The following SLC10A7 variants were observed in gnomAD, a reference collection of about 807,000 sequenced individuals.
SLC10A7 encodes the protein solute carrier family 10 member 7.
A neutral mutation model predicts 43.2 loss-of-function variants in SLC10A7; 29 were observed. The ratio of observed to expected loss-of-function variants is 0.67; its 90% CI spans 0.50 to 0.92. SLC10A7 has a LOEUF of 0.92. Ranked by LOEUF, SLC10A7 falls within the 40% of genes least tolerant of loss-of-function variation. The pLI is 0.00. For missense variants in SLC10A7, 295 were observed against 403.2 expected (o/e 0.73, Z 2.30); for synonymous variants, 152 against 144.8 (o/e 1.05, Z -0.35).
intron 10 of SLC10A7, among the ~76,000 whole-genome samples, chr4:146,278,311 TTAAGA>T (rs1323484974): frequency 1.3e-5 from 2 of 152,162 alleles, no homozygotes; most frequent in Admixed American, 6.5e-5. Flanking sequence ...AGTAGTTTTA[TTAAGA>T]TAAGATTCTT....
chr4:146,256,416 G>T lies in SLC10A7; in HGVS notation c.*75C>A. 3 of 1,430,418 alleles carry T rather than the reference G, an allele frequency of 2.1e-6. No homozygotes were observed. Among genetic ancestry groups the T allele is most frequent in the South Asian group, 1.2e-5 (1 of 84,094 alleles). The allele number at this position is 1,430,418 out of a possible 1,614,324, so 88.6% of individuals were successfully genotyped here. A position where few individuals can be genotyped will look rare whatever the true frequency, so the allele number is the denominator to read the frequency against. On this transcript the variant is annotated 3_prime_UTR_variant, in exon 12 of 12. Coordinates refer to ENST00000335472, the MANE Select transcript of SLC10A7 (RefSeq NM_001029998.6). ...ATATGCATTGAGGCAACATTCACAA[G>T]TACAAGTCTTCAGAATTGCTAGTAT...
chr4:146,466,794 A>C (rs1047690261), intron 4 of SLC10A7, among the ~76,000 whole-genome samples: 1 of 152,330 alleles, frequency 6.6e-6, no homozygotes, highest in East Asian at 1.9e-4. Flanking sequence ...AGAGAAATAA[A>C]TTAAATGCAT....
At chr4:146,396,674 T>G (rs953916981) in intron 5 of SLC10A7, among the ~76,000 whole-genome samples, 2 of 152,084 alleles carry the variant, frequency 1.3e-5, no homozygotes, top group Non-Finnish European at 1.5e-5. Context: ...TGTACCAAAT[T>G]TTTAAATCCA....
intron 5 of SLC10A7, among the ~76,000 whole-genome samples, chr4:146,335,251 TAAA>T (rs34522588): frequency 0.037 from 3,432 of 92,140 alleles, 53 homozygotes; most frequent in African/African-American, 0.046. Flanking sequence ...ACAGATGTTG[TAAA>T]AAAAAAAAAA....
chr4:146,418,052 A>G (rs1208688181), intron 5 of SLC10A7, among the ~76,000 whole-genome samples: 2 of 152,108 alleles, frequency 1.3e-5, no homozygotes, highest in African/African-American at 4.8e-5. Flanking sequence ...AATGATCCAC[A>G]GAAAAGAATA....
intron 10 of SLC10A7, among the ~76,000 whole-genome samples, chr4:146,271,645 C>A (rs909063081): frequency 2.0e-5 from 3 of 152,132 alleles, no homozygotes; most frequent in Non-Finnish European, 4.4e-5. Context: ...ATGGCTTCCC[C>A]TCTCATTCTG....
intron 9 of SLC10A7, among the ~76,000 whole-genome samples, chr4:146,284,034 C>T (rs1170300362): frequency 6.6e-6 from 1 of 151,952 alleles, no homozygotes; most frequent in Admixed American, 6.6e-5. Context: ...GGAGTCAGTA[C>T]TGGGAATTGG....
chr4:146,507,068 C>A (rs968053326), intron 3 of SLC10A7, among the ~76,000 whole-genome samples: 1 of 152,184 alleles, frequency 6.6e-6, no homozygotes, highest in African/African-American at 2.4e-5. Flanking sequence ...TACATCTACT[C>A]TCTTGGCAAT....
intron 10 of SLC10A7, among the ~76,000 whole-genome samples, chr4:146,267,329 C>T (rs974701771): frequency 6.6e-6 from 1 of 152,144 alleles, no homozygotes; most frequent in Non-Finnish European, 1.5e-5. Context: ...CAGGTTTAGT[C>T]TGCACAGCCC....
chr4:146,471,298 G>A (rs1579275728), intron 4 of SLC10A7, among the ~76,000 whole-genome samples: 1 of 152,112 alleles, frequency 6.6e-6, no homozygotes, highest in East Asian at 1.9e-4. Context: ...CCTAAATTTA[G>A]GCATATACTA....
rs542702995 is a variant in SLC10A7, at chr4:146,371,375, T to C, written c.436-45379A>G. Among the ~76,000 whole-genome samples, 308 of 148,848 alleles carry C rather than the reference T, an allele frequency of 2.1e-3. 2 individuals carry two copies. The Middle Eastern group carries it at 0.021, about 10-fold the overall frequency. ...TTGCTTGTTTGCTTTCTTCCTTGTA[T>C]ACAAAGTCAAGAACAATTAATCTCA... is the stretch of plus-strand genomic sequence containing the variant. On this transcript the variant is annotated intron_variant, in intron 5 of 11. Coordinates refer to ENST00000335472, the MANE Select transcript of SLC10A7 (RefSeq NM_001029998.6).
intron 5 of SLC10A7, among the ~76,000 whole-genome samples, chr4:146,416,419 T>C (rs1229731549): frequency 6.6e-6 from 1 of 152,194 alleles, no homozygotes; most frequent in Non-Finnish European, 1.5e-5. Flanking sequence ...TTTAAAAGAA[T>C]AAATCCTGAG....
At chr4:146,346,095 C>T (rs1005208919) in intron 5 of SLC10A7, among the ~76,000 whole-genome samples, 1 of 152,096 alleles carries the variant, frequency 6.6e-6, no homozygotes. Context: ...GATGAAAAAG[C>T]ATTTATGGGC....
At chr4:146,488,935 A>G (rs1373140722) in intron 4 of SLC10A7, among the ~76,000 whole-genome samples, 1 of 152,236 alleles carries the variant, frequency 6.6e-6, no homozygotes, top group African/African-American at 2.4e-5. Flanking sequence ...ATTTATTCAA[A>G]TACATTTCCT....
intron 4 of SLC10A7, among the ~76,000 whole-genome samples, chr4:146,483,875 A>G (rs1011887255): frequency 1.3e-5 from 2 of 152,222 alleles, no homozygotes; most frequent in Admixed American, 1.3e-4. Flanking sequence ...CTGTCAAAAG[A>G]GAAAAAGAAG....
intron 4 of SLC10A7, among the ~76,000 whole-genome samples, chr4:146,479,944 CA>C (rs1734331312): frequency 1.3e-5 from 2 of 151,632 alleles, no homozygotes; most frequent in Admixed American, 6.6e-5. Flanking sequence ...AAAAAACAAA[CA>C]AAAAAAGCAG....
At chr4:146,511,902 A>ATTTTTATT (rs1302057082) in intron 2 of SLC10A7, among the ~76,000 whole-genome samples, 25 of 149,796 alleles carry the variant, frequency 1.7e-4, no homozygotes, top group Non-Finnish European at 1.2e-4. Context: ...AAATATTAGT[A>ATTTTTATT]TTTTTATTTT....
intron 5 of SLC10A7, among the ~76,000 whole-genome samples, chr4:146,388,127 G>A (rs1310639898): frequency 6.6e-6 from 1 of 152,102 alleles, no homozygotes; most frequent in Non-Finnish European, 1.5e-5. Context: ...GCAATCCTAA[G>A]CAAAAGAACA....
chr4:146,283,786 T>C (rs1214524575), intron 9 of SLC10A7, among the ~76,000 whole-genome samples: 4 of 152,144 alleles, frequency 2.6e-5, no homozygotes, highest in African/African-American at 9.7e-5. Context: ...TCTTTACATG[T>C]AAAAGCAACA....
Sources: gnomAD v4.1 joint callset for allele counts (sites outside exome capture counted in the v4.1 genomes callset) on GRCh38, gnomAD v4.1.1 for gene constraint, MANE v1.5 for transcripts, NCBI Gene and HGNC (gene_info 2026-07-23, HGNC 2026-07-21) for gene names.